The following KCNAB1 variants were observed in gnomAD, a reference collection of about 807,000 sequenced individuals.
The protein encoded by KCNAB1 is voltage-gated potassium channel subunit beta-1.
KCNAB1 carries 35 observed loss-of-function variants against 64.6 expected under a neutral mutation model. The observed-to-expected ratio is 0.54, with a 90% CI of 0.41 to 0.72. The LOEUF is 0.72. Among genes scored for constraint, KCNAB1 ranks in the 30% least tolerant of loss-of-function variants. The pLI, the probability that KCNAB1 is intolerant of heterozygous loss-of-function variation, is 0.00. For missense variants in KCNAB1, 401 were observed against 512.9 expected, an observed-to-expected ratio of 0.78 and a Z score of 2.11; for synonymous variants, 177 against 183.8, an observed-to-expected ratio of 0.96 and a Z score of 0.30.
chr3:156,193,149 A>T (rs915768887), intron 1 of KCNAB1, among the ~76,000 whole-genome samples: 1 of 151,512 alleles, frequency 6.6e-6, no homozygotes, highest in Admixed American at 6.6e-5. Context: ...TTTTTAGTTT[A>T]TTAGTTATAA....
intron 1 of KCNAB1, among the ~76,000 whole-genome samples, chr3:156,144,801 AT>A (rs1393560632): frequency 3.3e-5 from 5 of 152,222 alleles, no homozygotes; most frequent in Non-Finnish European, 7.3e-5. Flanking sequence ...ATTACCATGA[AT>A]TGTTACATAA....
intron 1 of KCNAB1, among the ~76,000 whole-genome samples, chr3:156,154,009 C>T (rs1044951109): frequency 6.6e-6 from 1 of 152,190 alleles, no homozygotes; most frequent in Non-Finnish European, 1.5e-5. Flanking sequence ...ATCTGGAAAA[C>T]TCTAAGTAAC....
intron 8 of KCNAB1, among the ~76,000 whole-genome samples, chr3:156,484,014 T>A (rs1400547995): frequency 6.6e-6 from 1 of 152,162 alleles, no homozygotes; most frequent in Non-Finnish European, 1.5e-5. Flanking sequence ...CATCTGGTGT[T>A]GTATTTTCCG....
Position 156,463,702 on chromosome 3 carries a change from G to A in KCNAB1, c.483G>A (p.Arg161=). ...CTGTGTTTGTCTTTTTGATATACAG[G>A]AGGTCCAGTCTGGTCATAACAACCA... is the stretch of plus-strand genomic sequence containing the variant. ...LGSIIKKKGW[R]RSSLVITTKL... The change falls in exon 6 of 14, where the codon AGG becomes AGA. Residue 161 remains arginine (R), a splice_region_variant and synonymous_variant. Transcript: ENST00000490337. The A allele has an allele frequency of 6.2e-7, 1 of 1,602,516 alleles. No individual in the cohort carries two copies. Among genetic ancestry groups the A allele is most frequent in the Non-Finnish European group, 8.5e-7 (1 of 1,175,410 alleles).
intron 1 of KCNAB1, among the ~76,000 whole-genome samples, chr3:156,397,580 G>GCTCACAGT (rs1415993833): frequency 6.6e-6 from 1 of 152,054 alleles, no homozygotes; most frequent in Non-Finnish European, 1.5e-5. Flanking sequence ...TAACAGTTTG[G>GCTCACAGT]CTCACAGTCT....
At chr3:156,357,585 C>T (rs182036498) in intron 1 of KCNAB1, among the ~76,000 whole-genome samples, 8 of 152,072 alleles carry the variant, frequency 5.3e-5, no homozygotes, top group East Asian at 1.9e-4. Flanking sequence ...CAACTTTCTC[C>T]GATAGAAGTA....
intron 1 of KCNAB1, among the ~76,000 whole-genome samples, chr3:156,133,894 A>G: frequency 6.6e-6 from 1 of 152,086 alleles, no homozygotes; most frequent in East Asian, 1.9e-4. Flanking sequence ...GCTTCAGAAC[A>G]AATTCGTTGA....
intron 1 of KCNAB1, among the ~76,000 whole-genome samples, chr3:156,418,651 G>T (rs1281856269): frequency 6.6e-6 from 1 of 152,160 alleles, no homozygotes; most frequent in Admixed American, 6.5e-5. Context: ...AAAGTGAGTG[G>T]CACCATCCTG....
At chr3:156,341,073 T>A (rs146100546) in intron 1 of KCNAB1, among the ~76,000 whole-genome samples, 27 of 152,352 alleles carry the variant, frequency 1.8e-4, no homozygotes, top group African/African-American at 6.3e-4. Flanking sequence ...CATTTAAGTA[T>A]TTTTATGGCA....
At chr3:156,306,814 A>C (rs971422404) in intron 1 of KCNAB1, among the ~76,000 whole-genome samples, 6 of 152,204 alleles carry the variant, frequency 3.9e-5, no homozygotes, top group African/African-American at 1.2e-4. Context: ...GCTTGAAAGC[A>C]GCAGAACTGA....
At chr3:156,335,643 G>C (rs936350431) in intron 1 of KCNAB1, among the ~76,000 whole-genome samples, 7 of 152,064 alleles carry the variant, frequency 4.6e-5, no homozygotes, top group African/African-American at 1.7e-4. Context: ...CCAGACTCTG[G>C]AACATATCAT....
At chr3:156,463,094 T>A (rs1713051440) in intron 5 of KCNAB1, among the ~76,000 whole-genome samples, 1 of 152,182 alleles carries the variant, frequency 6.6e-6, no homozygotes, top group African/African-American at 2.4e-5. Context: ...TTTTCCTGTT[T>A]GTTCTAAATA....
At chr3:156,184,644 A>G (rs1422031763) in intron 1 of KCNAB1, among the ~76,000 whole-genome samples, 1 of 152,234 alleles carries the variant, frequency 6.6e-6, no homozygotes, top group African/African-American at 2.4e-5. Flanking sequence ...GATTTTAAAA[A>G]CAGTCTTCAT....
At chr3:156,433,111 T>C (rs1202084517) in intron 2 of KCNAB1, among the ~76,000 whole-genome samples, 2 of 152,104 alleles carry the variant, frequency 1.3e-5, no homozygotes, top group Non-Finnish European at 2.9e-5. Context: ...AAAGATGCAG[T>C]AGACGCTGTG....
chr3:156,231,723 C>G (rs1446860832), intron 1 of KCNAB1, among the ~76,000 whole-genome samples: 3 of 152,068 alleles, frequency 2.0e-5, no homozygotes, highest in Non-Finnish European at 4.4e-5. Flanking sequence ...CCAGAACATT[C>G]CTTTCCATTA....
chr3:156,309,391 A>C (rs1721734626), intron 1 of KCNAB1, among the ~76,000 whole-genome samples: 3 of 152,240 alleles, frequency 2.0e-5, no homozygotes, highest in Admixed American at 2.0e-4. Context: ...GGCAGTGGGA[A>C]GCCAACACAG....
At chr3:156,465,503 A>G (rs1713298475) in intron 6 of KCNAB1, 140 bp from the exon 7 acceptor site, 1 of 670,460 alleles carries the variant, frequency 1.5e-6, no homozygotes, top group African/African-American at 2.0e-5. Context: ...GTTGCCCACC[A>G]GACTTCTCTC....
chr3:156,312,556 A>G (rs1037302586), intron 1 of KCNAB1, among the ~76,000 whole-genome samples: 12 of 152,030 alleles, frequency 7.9e-5, no homozygotes, highest in African/African-American at 2.9e-4. Flanking sequence ...TACTGAAAAT[A>G]CAAAAATTAG....
chr3:156,332,881 A>C (rs1371242141), intron 1 of KCNAB1, among the ~76,000 whole-genome samples: 1 of 152,106 alleles, frequency 6.6e-6, no homozygotes, highest in Admixed American at 6.5e-5. Context: ...ATGATTGTTT[A>C]TTTCCTGGTT....
Sources: gnomAD v4.1 joint callset for allele counts (sites outside exome capture counted in the v4.1 genomes callset) on GRCh38, gnomAD v4.1.1 for gene constraint, MANE v1.5 for transcripts, NCBI Gene and HGNC (gene_info 2026-07-23, HGNC 2026-07-21) for gene names.